Variants in PEPD observed in about 807,000 individuals in gnomAD.
PEPD encodes the protein xaa-Pro dipeptidase.
PEPD carries 53 observed loss-of-function variants against 60.7 expected under a neutral mutation model. The observed-to-expected ratio is 0.87, with a 90% confidence interval of 0.70 to 1.10. The LOEUF (loss-of-function observed/expected upper bound fraction) is 1.10, where lower values mean the gene tolerates loss of function less well. Among genes scored for constraint, PEPD ranks in the 50% least tolerant of loss-of-function variants. The pLI is 0.00. For synonymous variants in PEPD, 267 were observed against 284.1 expected (o/e 0.94, Z 0.60); for missense variants, 711 against 711.9 (o/e 1.00, Z 0.01).
intron 9 of PEPD, among the ~76,000 whole-genome samples, chr19:33,446,464 T>C (rs1415115394): frequency 1.3e-5 from 2 of 152,180 alleles, no homozygotes; most frequent in African/African-American, 4.8e-5. Flanking sequence ...ACGTGGACAC[T>C]CTCTGGAGTC....
At chr19:33,426,608 G>A (rs775121480) in intron 9 of PEPD, among the ~76,000 whole-genome samples, 14 of 152,168 alleles carry the variant, frequency 9.2e-5, no homozygotes, top group African/African-American at 3.1e-4. Context: ...AGCCACTCTC[G>A]GTACTGTGAG....
Position 33,388,098 on chromosome 19 carries a change from T to C in PEPD, c.1153-17A>G. Reference sequence around the variant, plus strand: ...CTCCACGCCCTGTGGGGAACAGAGGTGAGGGGCCTGATGAGCAGCTCCAGG... The same window carrying C: ...CTCCACGCCCTGTGGGGAACAGAGGCGAGGGGCCTGATGAGCAGCTCCAGG... On this transcript the variant is annotated splice_polypyrimidine_tract_variant and intron_variant, in intron 13 of 14. Coordinates refer to ENST00000244137, the MANE Select transcript of PEPD (RefSeq NM_000285.4). 1 of 1,542,578 alleles carries C rather than the reference T, an allele frequency of 6.5e-7. No homozygotes were observed.
intron 12 of PEPD, among the ~76,000 whole-genome samples, chr19:33,396,820 G>A (rs1054812450): frequency 2.6e-4 from 40 of 152,106 alleles, no homozygotes; most frequent in African/African-American, 9.4e-4. Context: ...GTCCTCTGGA[G>A]CTCCAGGGTG....
At chr19:33,427,917 G>A (rs754632561) in intron 9 of PEPD, among the ~76,000 whole-genome samples, 4 of 151,720 alleles carry the variant, frequency 2.6e-5, no homozygotes, top group Admixed American at 6.6e-5. Flanking sequence ...GCCTGCTCCC[G>A]GAGATCCGTG....
chr19:33,478,135 C>T (rs376552339), intron 6 of PEPD, 45 bp from the exon 7 acceptor site: 22 of 1,346,188 alleles, frequency 1.6e-5, no homozygotes, highest in Non-Finnish European at 2.2e-5. Context: ...AACGGTCTGT[C>T]ATGTCCCAGC....
At chr19:33,456,313 T>TCTGGACC (rs1438753552) in intron 9 of PEPD, among the ~76,000 whole-genome samples, 2 of 152,054 alleles carry the variant, frequency 1.3e-5, no homozygotes, top group African/African-American at 4.8e-5. Flanking sequence ...CAGGGTAGGC[T>TCTGGACC]CTGGACTAAG....
intron 1 of PEPD, among the ~76,000 whole-genome samples, chr19:33,518,725 GA>G (rs1971072906): frequency 6.6e-6 from 1 of 152,120 alleles, no homozygotes; most frequent in Non-Finnish European, 1.5e-5. Flanking sequence ...GGCAGCCACA[GA>G]CTGGCCCTGC....
intron 2 of PEPD, 130 bp from the exon 3 acceptor site, chr19:33,511,285 A>C (rs1253758632): frequency 1.1e-6 from 1 of 909,674 alleles, no homozygotes; most frequent in Non-Finnish European, 1.8e-6. Flanking sequence ...CCAGCCCCAG[A>C]CATCCCTTCC....
intron 11 of PEPD, among the ~76,000 whole-genome samples, chr19:33,406,014 C>T (rs771494563): frequency 1.3e-5 from 2 of 152,210 alleles, no homozygotes; most frequent in African/African-American, 2.4e-5. Flanking sequence ...GACAGAGGCA[C>T]GGCACCAGTG....
At chr19:33,404,491 A>G (rs1448985219) in intron 11 of PEPD, among the ~76,000 whole-genome samples, 1 of 152,208 alleles carries the variant, frequency 6.6e-6, no homozygotes, top group African/African-American at 2.4e-5. Flanking sequence ...GGAAGCCCAC[A>G]AGAATACCCC....
At chr19:33,492,220 C>T (rs1347535486) in intron 5 of PEPD, among the ~76,000 whole-genome samples, 5 of 151,924 alleles carry the variant, frequency 3.3e-5, no homozygotes, top group African/African-American at 7.3e-5. Flanking sequence ...AAAACCCTGC[C>T]GGCGTACCCA....
At position 33,442,875 on chromosome 19, in the gene PEPD, G is replaced by A. The variant is rs564190963; in HGVS notation, c.671+20120C>T. Among the ~76,000 whole-genome samples the A allele has an allele frequency of 2.0e-4, 30 of 152,180 alleles. No individual in the cohort carries two copies. The East Asian group carries it at 3.9e-3, about 20-fold the overall frequency. The stretch of plus-strand genomic sequence containing the variant: ...AGAGGCTGGTATGTGGTCAGGCCTC[G>A]GGGAACGTCCACCGGGGCTGTCCAC... On this transcript the variant is annotated intron_variant, in intron 9 of 14. Coordinates refer to ENST00000244137, the MANE Select transcript of PEPD (RefSeq NM_000285.4).
intron 1 of PEPD, among the ~76,000 whole-genome samples, chr19:33,514,064 A>G (rs1422099112): frequency 6.6e-6 from 1 of 152,110 alleles, no homozygotes; most frequent in Non-Finnish European, 1.5e-5. Context: ...GTCGGTATCT[A>G]TGGAATGAAT....
At chr19:33,396,712 G>C (rs962704092) in intron 12 of PEPD, among the ~76,000 whole-genome samples, 1 of 151,914 alleles carries the variant, frequency 6.6e-6, no homozygotes, top group Non-Finnish European at 1.5e-5. Context: ...GGGAGGGTGG[G>C]GGGGTGAGGA....
intron 3 of PEPD, among the ~76,000 whole-genome samples, chr19:33,503,190 T>C (rs1044913096): frequency 6.6e-6 from 1 of 152,096 alleles, no homozygotes; most frequent in Admixed American, 6.6e-5. Context: ...AACCAGGAAG[T>C]ACTGGCCACA....
At chr19:33,463,360 G>A (rs1969964576) in intron 8 of PEPD, among the ~76,000 whole-genome samples, 2 of 152,200 alleles carry the variant, frequency 1.3e-5, no homozygotes, top group South Asian at 4.1e-4. Context: ...AATACTTAAT[G>A]CCACGAAAGC....
chr19:33,474,711 T>G (rs1039463094), intron 7 of PEPD, among the ~76,000 whole-genome samples: 1 of 151,190 alleles, frequency 6.6e-6, no homozygotes, highest in African/African-American at 2.4e-5. Context: ...CTGGGTGCGG[T>G]GGCTCACGCC....
intron 2 of PEPD, among the ~76,000 whole-genome samples, chr19:33,511,912 G>GTCT (rs990744640): frequency 3.3e-5 from 5 of 152,200 alleles, no homozygotes; most frequent in Admixed American, 3.3e-4. Context: ...AAAAAACACA[G>GTCT]TCTGCGGTCG....
chr19:33,411,640 C>A, intron 11 of PEPD, 32 bp downstream of exon 11: 1 of 1,323,110 alleles, frequency 7.6e-7, no homozygotes, highest in South Asian at 1.2e-5. Flanking sequence ...TGGCTGTTCA[C>A]ACACAGAGCC....
Sources: allele counts gnomAD v4.1 joint callset (sites outside exome capture counted in the v4.1 genomes callset), GRCh38; gene constraint gnomAD v4.1.1; transcripts MANE v1.5; gene names NCBI Gene and HGNC (gene_info 2026-07-23, HGNC 2026-07-21).